VPS13A: variants seen among roughly 807,000 people sequenced by gnomAD.
VPS13A encodes the protein intermembrane lipid transfer protein VPS13A.
In VPS13A, 264 loss-of-function variants were observed where a neutral mutation model predicts 390.9. The observed-to-expected ratio is 0.68, with a 90% CI of 0.61 to 0.75. The LOEUF (loss-of-function observed/expected upper bound fraction) is 0.75. VPS13A is among the 30% of genes least tolerant of loss of function. The pLI, the probability that VPS13A is intolerant of heterozygous loss-of-function variation, is 0.00. For missense variants in VPS13A, 3,409 were observed against 3,733.9 expected, an observed-to-expected ratio of 0.91 and a Z score of 2.27; for synonymous variants, 1,231 against 1,227.1, an observed-to-expected ratio of 1.00 and a Z score of -0.07.
At position 77,337,244 on chromosome 9, in the gene VPS13A, A is replaced by G; in HGVS notation, c.6096-11A>G. On this transcript the variant is annotated splice_polypyrimidine_tract_variant and intron_variant, in intron 46 of 71. Coordinates refer to ENST00000360280, the MANE Select transcript of VPS13A (RefSeq NM_033305.3). ...AAAACATTTTAAACTGTATCATTTA[A>G]TCTCATGCAGATCATTCATTTTTCT... The G allele has an allele frequency of 1.2e-6, 2 of 1,608,760 alleles. No homozygotes were observed. Among genetic ancestry groups the G allele is most frequent in the Non-Finnish European group, 1.7e-6 (2 of 1,178,602 alleles).
At chr9:77,366,682 A>C (rs1216673324) in intron 60 of VPS13A, 45 bp from the exon 61 acceptor site, 2 of 1,517,750 alleles carry the variant, frequency 1.3e-6, no homozygotes, top group Non-Finnish European at 1.8e-6. Context: ...AAAATTGTCA[A>C]TATGAAGAAA....
intron 17 of VPS13A, among the ~76,000 whole-genome samples, chr9:77,237,288 T>C (rs898847776): frequency 3.3e-5 from 5 of 152,192 alleles, no homozygotes; most frequent in Non-Finnish European, 5.9e-5. Context: ...TTTGGTTTGC[T>C]GGGGAGAAGA....
chr9:77,305,064 G>A (rs894855974), intron 34 of VPS13A, among the ~76,000 whole-genome samples: 26 of 151,574 alleles, frequency 1.7e-4, no homozygotes, highest in Admixed American at 5.3e-4. Flanking sequence ...TCAGCCTCCC[G>A]AATAGCTGGG....
At chr9:77,228,029 T>C (rs1185234920) in intron 16 of VPS13A, 93 bp from the exon 17 acceptor site, 3 of 959,358 alleles carry the variant, frequency 3.1e-6, no homozygotes, top group African/African-American at 3.4e-5. Context: ...CTTAAAATAT[T>C]TGGTGGTTTT....
Position 77,361,316 on chromosome 9 carries a change from A to G in VPS13A, c.8211+675A>G, listed in dbSNP as rs145800319. Among the ~76,000 whole-genome samples, 1,078 of 152,220 alleles carry G rather than the reference A, an allele frequency of 7.1e-3. 7 individuals are homozygous for G. The highest frequency in any genetic ancestry group is 0.02 in the Middle Eastern group (6 of 294). ...TAGGTTTGCCTATTCTGAATATTTC[A>G]TACAAATAGAATCATACACTGTGTA... On this transcript the variant is annotated intron_variant, in intron 59 of 71. Coordinates refer to ENST00000360280, the MANE Select transcript of VPS13A (RefSeq NM_033305.3).
At chr9:77,284,425 A>G (rs1410523331) in intron 31 of VPS13A, among the ~76,000 whole-genome samples, 1 of 152,204 alleles carries the variant, frequency 6.6e-6, no homozygotes, top group African/African-American at 2.4e-5. Context: ...TCTTCTTGTT[A>G]TGGCTTATTT....
rs2131271935 is a variant in VPS13A, at chr9:77,252,275, C to A, written c.2211C>A (p.Thr737=). 6.2e-7 allele frequency: 1 copy of A among 1,613,858 alleles called. No homozygotes were observed. The highest frequency in any genetic ancestry group is 8.5e-7 in the Non-Finnish European group (1 of 1,179,896). The change falls in exon 22 of 72, where the codon ACC becomes ACA. Residue 737 remains threonine, a synonymous_variant. Coordinates refer to ENST00000360280, the MANE Select transcript of VPS13A (RefSeq NM_033305.3). ...WREARKLSVS[T]QHILVPMHFN... ...AAGCACGAAAACTCAGTGTATCTAC[C>A]CAGCATATTTTGGTACCCATGCACT...
chr9:77,214,146 C>G (rs1322173148), intron 9 of VPS13A, among the ~76,000 whole-genome samples, 183 bp from the exon 10 acceptor site: 1 of 151,936 alleles, frequency 6.6e-6, no homozygotes, highest in Non-Finnish European at 1.5e-5. Context: ...CACGGTGGGG[C>G]ACGTCTGTAA....
chr9:77,182,678 G>T (rs144540497), intron 1 of VPS13A, among the ~76,000 whole-genome samples: 45 of 152,274 alleles, frequency 3.0e-4, no homozygotes, highest in East Asian at 2.7e-3. Context: ...GTACTTCATA[G>T]CCCCTTCTTA....
chr9:77,344,275 T>C lies in VPS13A; in HGVS notation c.7149T>C (p.Asp2383=), dbSNP rs751764326. ...KQENCILLRL[D]NELGGIIAEV... ...AAAATTGTATTCTATTGCGTCTAGA[T>C]AACGAGGTAAGTTTTTTTTTCTTTT... is the stretch of plus-strand genomic sequence containing the variant. The change falls in exon 51 of 72, where the codon GAT becomes GAC. Residue 2383 remains aspartate, a synonymous_variant. Transcript: ENST00000360280. 3.1e-6 allele frequency: 5 copies of C among 1,613,258 alleles called. No individual in the cohort carries two copies. The highest frequency in any genetic ancestry group is 4.2e-6 in the Non-Finnish European group (5 of 1,179,650).
chr9:77,303,276 A>G (rs569578501), intron 34 of VPS13A, among the ~76,000 whole-genome samples: 38 of 152,296 alleles, frequency 2.5e-4, no homozygotes, highest in South Asian at 1.4e-3. Flanking sequence ...GGAAGCAATG[A>G]CATTGTCTCT....
chr9:77,357,583 C>A, intron 55 of VPS13A, 109 bp from the exon 56 acceptor site: 1 of 1,128,002 alleles, frequency 8.9e-7, no homozygotes, highest in Non-Finnish European at 1.3e-6. Flanking sequence ...TAAATCTAAA[C>A]TAATACAAAT....
Position 77,307,959 on chromosome 9 carries a change from A to G in VPS13A, c.3975A>G (p.Gln1325=), listed in dbSNP as rs536093048. ...TTTTTTAACAGTTCATTCTTAGTCA[A>G]GAAGATATAACAACTATTTTTAAAA... is the stretch of plus-strand genomic sequence containing the variant. ...QLKPMEFILS[Q]EDITTIFKTL... Residue 1325 remains glutamine (Q), a synonymous_variant, in exon 35 of 72, where the codon CAA becomes CAG. Coordinates refer to ENST00000360280, the MANE Select transcript of VPS13A (RefSeq NM_033305.3). 16 of 1,593,088 alleles carry G rather than the reference A, an allele frequency of 1.0e-5. No homozygotes were observed. The South Asian group carries it at 1.7e-4, about 17-fold the overall frequency.
At chr9:77,313,583 T>C (rs561785290) in intron 35 of VPS13A, among the ~76,000 whole-genome samples, 1 of 152,348 alleles carries the variant, frequency 6.6e-6, no homozygotes, top group East Asian at 1.9e-4. Context: ...TTCTGATTAG[T>C]AGAAAAATTT....
Position 77,250,280 on chromosome 9 carries a change from T to A in VPS13A, c.2170+51T>A, listed in dbSNP as rs1825080167. 6.3e-6 allele frequency: 10 copies of A among 1,598,530 alleles called. 2 individuals are homozygous for A. The East Asian group carries it at 2.2e-4, about 36-fold the overall frequency. Reference sequence around the variant, plus strand: ...GATTGATTTTGTTGAAGTGATTAATTAGGTTTTTAGACACTTTGAAGACCT... The same window carrying A: ...GATTGATTTTGTTGAAGTGATTAATAAGGTTTTTAGACACTTTGAAGACCT... On this transcript the variant is annotated intron_variant, in intron 21 of 71. Transcript: ENST00000360280.
At chr9:77,299,687 A>G (rs985755848) in intron 33 of VPS13A, among the ~76,000 whole-genome samples, 6 of 152,210 alleles carry the variant, frequency 3.9e-5, no homozygotes, top group Admixed American at 1.3e-4. Context: ...ATGCTCATCA[A>G]TGACAGCATG....
intron 19 of VPS13A, among the ~76,000 whole-genome samples, chr9:77,239,435 A>T (rs1377354313): frequency 6.6e-6 from 1 of 152,112 alleles, no homozygotes; most frequent in African/African-American, 2.4e-5. Context: ...GTCATTAAGT[A>T]CATGCAGGAG....
intron 23 of VPS13A, among the ~76,000 whole-genome samples, chr9:77,266,777 C>G (rs1826060115): frequency 6.6e-6 from 1 of 152,044 alleles, no homozygotes; most frequent in Non-Finnish European, 1.5e-5. Context: ...GTTCTATTGT[C>G]CCCGTCACTT....
intron 45 of VPS13A, among the ~76,000 whole-genome samples, chr9:77,323,936 C>T (rs1307590248): frequency 6.6e-6 from 1 of 151,854 alleles, no homozygotes; most frequent in Non-Finnish European, 1.5e-5. Context: ...TTTGAGTGAA[C>T]CTTTGTATAC....
Sources: gnomAD v4.1 joint callset for allele counts (sites outside exome capture counted in the v4.1 genomes callset) on GRCh38, gnomAD v4.1.1 for gene constraint, MANE v1.5 for transcripts, NCBI Gene and HGNC (gene_info 2026-07-23, HGNC 2026-07-21) for gene names.